SSBP3: variants seen among roughly 807,000 people sequenced by gnomAD.
SSBP3 encodes the protein single stranded DNA binding protein 3.
Under a neutral mutation model 69.6 loss-of-function variants are expected in SSBP3, and 5 were observed. That is an observed-to-expected ratio of 0.07 (90% CI 0.04 to 0.15). The LOEUF (loss-of-function observed/expected upper bound fraction) is 0.15, where lower values mean the gene tolerates loss of function less well. Among genes scored for constraint, SSBP3 ranks in the 10% least tolerant of loss-of-function variants. The pLI, the probability that SSBP3 is intolerant of heterozygous loss-of-function variation, is 1.00. For missense variants in SSBP3, 312 were observed against 534.0 expected (o/e 0.58, Z 4.10); for synonymous variants, 196 against 193.4 (o/e 1.01, Z -0.11).
chr1:54,330,344 CA>C (rs1170929942), intron 4 of SSBP3, among the ~76,000 whole-genome samples: 2 of 152,204 alleles, frequency 1.3e-5, no homozygotes, highest in Non-Finnish European at 2.9e-5. Context: ...AACAGAGGCT[CA>C]AGTAGTGGTT....
At chr1:54,390,256 T>C (rs1038761691) in intron 4 of SSBP3, among the ~76,000 whole-genome samples, 5 of 152,170 alleles carry the variant, frequency 3.3e-5, no homozygotes, top group African/African-American at 1.2e-4. Context: ...TACTAAGCCA[T>C]AATGCTGTCG....
chr1:54,240,932 C>CT lies in SSBP3; in HGVS notation c.828dup (p.Gly277ArgfsTer16). ...GCGGGACTGGGCATAATGGGTGTTCCTGGAGGACCGCCACCACCAGGGGGT... is the reference window on the plus strand; with the variant it reads ...GCGGGACTGGGCATAATGGGTGTTCCTTGGAGGACCGCCACCACCAGGGGGT... On this transcript the variant is annotated frameshift_variant, in exon 13 of 18. Transcript: ENST00000610401. LOFTEE classifies it high-confidence loss of function. 1 of 1,611,898 alleles carries CT rather than the reference C, an allele frequency of 6.2e-7. No homozygotes were observed. Among genetic ancestry groups the CT allele is most frequent in the Non-Finnish European group, 8.5e-7 (1 of 1,178,798 alleles).
chr1:54,313,435 C>CTTTT (rs752753963), intron 4 of SSBP3, among the ~76,000 whole-genome samples: 11 of 86,420 alleles, frequency 1.3e-4, no homozygotes, highest in South Asian at 3.8e-4. Context: ...TGTGCCTGTG[C>CTTTT]TTTTTTTTTT....
At chr1:54,383,491 G>A (rs1647839241) in intron 4 of SSBP3, among the ~76,000 whole-genome samples, 1 of 152,124 alleles carries the variant, frequency 6.6e-6, no homozygotes, top group African/African-American at 2.4e-5. Context: ...AAGCAACCCT[G>A]CACACAGAGA....
intron 5 of SSBP3, among the ~76,000 whole-genome samples, chr1:54,259,982 C>T (rs377522977): frequency 6.6e-6 from 1 of 152,186 alleles, no homozygotes; most frequent in Non-Finnish European, 1.5e-5. Flanking sequence ...ATTTGTTTAG[C>T]GGCTTTCCCA....
At chr1:54,256,149 G>A (rs945757372) in intron 7 of SSBP3, among the ~76,000 whole-genome samples, 2 of 151,854 alleles carry the variant, frequency 1.3e-5, no homozygotes, top group Non-Finnish European at 2.9e-5. Flanking sequence ...CCTCACTCAG[G>A]AGCCTTCTTG....
chr1:54,327,412 T>A (rs1365711084), intron 4 of SSBP3, among the ~76,000 whole-genome samples: 3 of 152,140 alleles, frequency 2.0e-5, no homozygotes, highest in Non-Finnish European at 2.9e-5. Context: ...CATGGCATCA[T>A]CTGTCCACTT....
At chr1:54,289,020 C>CAAAAAAAAAAACAAAA (rs1645546750) in intron 4 of SSBP3, among the ~76,000 whole-genome samples, 3 of 43,888 alleles carry the variant, frequency 6.8e-5, no homozygotes, top group Admixed American at 7.1e-4. Flanking sequence ...ACTCTGTCTC[C>CAAAAAAAAAAACAAAA]AAAAAAAAAA....
intron 4 of SSBP3, among the ~76,000 whole-genome samples, chr1:54,380,100 C>T (rs1647500834): frequency 6.6e-6 from 1 of 152,144 alleles, no homozygotes; most frequent in African/African-American, 2.4e-5. Context: ...CAGGGAAAGG[C>T]TGCTCCAGGC....
chr1:54,254,575 T>C (rs1570271730), intron 7 of SSBP3, among the ~76,000 whole-genome samples: 3 of 152,178 alleles, frequency 2.0e-5, no homozygotes, highest in Admixed American at 2.0e-4. Flanking sequence ...TTCACTCCCC[T>C]CACCCAAAAG....
chr1:54,369,218 CG>C (rs11433392), intron 4 of SSBP3, among the ~76,000 whole-genome samples: 68 of 124,562 alleles, frequency 5.5e-4, no homozygotes, highest in East Asian at 9.6e-4. Flanking sequence ...CCTCTTGAGT[CG>C]GGGGGGGGGC....
intron 4 of SSBP3, among the ~76,000 whole-genome samples, chr1:54,388,647 C>T (rs1648256771): frequency 6.6e-6 from 1 of 152,208 alleles, no homozygotes; most frequent in Non-Finnish European, 1.5e-5. Context: ...CAGCTCAGAA[C>T]CGCAGGGAAT....
At chr1:54,407,561 A>C (rs1282072379), upstream of SSBP3, among the ~76,000 whole-genome samples, 2 of 152,036 alleles carry the variant, frequency 1.3e-5, no homozygotes, top group East Asian at 3.9e-4. Context: ...AAGACCAGAT[A>C]CCGGCGAAAT....
At chr1:54,394,325 A>G (rs977350276) in intron 4 of SSBP3, among the ~76,000 whole-genome samples, 10 of 152,154 alleles carry the variant, frequency 6.6e-5, no homozygotes, top group African/African-American at 2.4e-4. Context: ...ATTTATATCT[A>G]TGATAAATAT....
rs565600372 is a variant in SSBP3, at chr1:54,373,962, T to A, written c.276+27899A>T. 2.6e-5 allele frequency among the ~76,000 whole-genome samples: 4 copies of A among 152,076 alleles called. No individual in the cohort carries two copies. The East Asian group carries it at 7.8e-4, about 29-fold the overall frequency. On this transcript the variant is annotated intron_variant, in intron 4 of 17. Transcript: ENST00000610401. ...AGAGCTGCGGTCAGTGTGAAGTTCATCCCGTTATCCCCACTAGACTCTTTC... is the reference window on the plus strand; with the variant it reads ...AGAGCTGCGGTCAGTGTGAAGTTCAACCCGTTATCCCCACTAGACTCTTTC...
chr1:54,404,623 T>C, exon 3 of SSBP3: 1 of 1,613,786 alleles, frequency 6.2e-7, no homozygotes, highest in South Asian at 1.1e-5. Context: ...ACGTGATGTT[T>C]TTTTCCCATC....
intron 4 of SSBP3, among the ~76,000 whole-genome samples, chr1:54,302,440 T>C (rs906383015): frequency 2.0e-5 from 3 of 152,012 alleles, no homozygotes; most frequent in African/African-American, 7.3e-5. Context: ...GCCTCCCAAG[T>C]AGCTAGGATT....
chr1:54,358,977 C>T (rs574440897), intron 4 of SSBP3, among the ~76,000 whole-genome samples: 1 of 152,150 alleles, frequency 6.6e-6, no homozygotes, highest in Non-Finnish European at 1.5e-5. Flanking sequence ...ACCCGCCACA[C>T]TTCTCCCTCT....
At chr1:54,368,758 C>G (rs1647071121) in intron 4 of SSBP3, among the ~76,000 whole-genome samples, 1 of 152,210 alleles carries the variant, frequency 6.6e-6, no homozygotes, top group Admixed American at 6.5e-5. Flanking sequence ...GAACATCTCA[C>G]TGAAGAGCTG....
Sources: gnomAD v4.1 joint callset for allele counts (sites outside exome capture counted in the v4.1 genomes callset) on GRCh38, gnomAD v4.1.1 for gene constraint, MANE v1.5 for transcripts, NCBI Gene and HGNC (gene_info 2026-07-23, HGNC 2026-07-21) for gene names.